The following FLG variants were observed in gnomAD, a reference collection of about 807,000 sequenced individuals.
FLG encodes epidermal filaggrin.
In FLG, 6 loss-of-function variants were observed where a neutral mutation model predicts 3.8. The observed-to-expected ratio is 1.60, with a 90% CI of 0.87 to 3.15. The LOEUF (loss-of-function observed/expected upper bound fraction) is 3.15. FLG is among the 30% of genes most tolerant of loss of function. The pLI is 0.00. For missense variants in FLG, 7,595 were observed against 5,050.9 expected (o/e 1.50, Z -15.27); for synonymous variants, 2,551 against 1,931.6 (o/e 1.32, Z -8.41).
rs371007229 is a variant in FLG, at chr1:152,310,248, A to C, written c.4638T>G (p.Asn1546Lys). The C allele has an allele frequency of 6.2e-7, 1 of 1,612,464 alleles. No individual in the cohort carries two copies. The highest frequency in any genetic ancestry group is 8.5e-7 in the Non-Finnish European group (1 of 1,179,726). Residue 1546 changes from asparagine to lysine, a missense_variant, in exon 3 of 3, where the codon AAT becomes AAG. Physicochemically the swap from Asn to Lys is moderately conservative, Grantham distance 94 (BLOSUM62 0). Coordinates refer to ENST00000368799, the MANE Select transcript of FLG (RefSeq NM_002016.2). ...GPRSASRQTR[N>K]EEQSGDGSRH... ...TGGAGCCGTCTCCTGATTGTTCCTC[A>C]TTTCTTGTTTGCCTGCTTGCACTTC...
In FLG at chr1:152,312,219, G is replaced by A; in HGVS notation, c.2667C>T (p.Ser889=). 13 of 1,613,818 alleles carry A rather than the reference G, an allele frequency of 8.1e-6. No individual in the cohort carries two copies. Among genetic ancestry groups the A allele is most frequent in the Non-Finnish European group, 1.1e-5 (13 of 1,179,958 alleles). The change falls in exon 3 of 3, where the codon TCC becomes TCT. Residue 889 remains serine, a synonymous_variant. Coordinates refer to ENST00000368799, the MANE Select transcript of FLG (RefSeq NM_002016.2). Reference sequence around the variant, plus strand: ...TACGTGTTGTTCTGCTTGCACTTCTGGATCCTGACTGCCCACGGGAGGCAT... The same window carrying A: ...TACGTGTTGTTCTGCTTGCACTTCTAGATCCTGACTGCCCACGGGAGGCAT... The part of the protein sequence containing the change: ...RSDASRGQSG[S]RSASRTTRNE...
chr1:152,310,392 T>C lies in FLG; in HGVS notation c.4494A>G (p.Gly1498=). Residue 1498 remains glycine (G), a synonymous_variant, in exon 3 of 3, where the codon GGA becomes GGG. Transcript: ENST00000368799. ...GCTCGTGGTAGGATCCCTGCCTTCCTCCTCTGCTTGACCCCGGGTGTCCAC... is the reference window on the plus strand; with the variant it reads ...GCTCGTGGTAGGATCCCTGCCTTCCCCCTCTGCTTGACCCCGGGTGTCCAC... ...TIRGHPGSSR[G]GRQGSYHEQS... 1 of 1,613,686 alleles carries C rather than the reference T, an allele frequency of 6.2e-7. No homozygotes were observed. Among genetic ancestry groups the C allele is most frequent in the East Asian group, 2.2e-5 (1 of 44,820 alleles).
In FLG at chr1:152,307,841, C is replaced by T. The variant is rs1269991205; in HGVS notation, c.7045G>A (p.Gly2349Arg). 21 of 1,613,074 alleles carry T rather than the reference C, an allele frequency of 1.3e-5. No homozygotes were observed. The highest frequency in any genetic ancestry group is 3.3e-5 in the South Asian group (3 of 91,022). The part of the protein sequence containing the change: ...DSSRHSGIGH[G>R]QASSAVRDSG... Reference sequence around the variant, plus strand: ...TCTCTGACTGCAGATGAAGCTTGTCCGTGCCCAATGCCTGAGTGTCTGGAG... The same window carrying T: ...TCTCTGACTGCAGATGAAGCTTGTCTGTGCCCAATGCCTGAGTGTCTGGAG... The change falls in exon 3 of 3, where the codon GGA becomes AGA. Residue 2349 changes from glycine to arginine, a missense_variant. Transcript: ENST00000368799.
chr1:152,307,544 C>T lies in FLG; in HGVS notation c.7342G>A (p.Asp2448Asn). The change falls in exon 3 of 3, where the codon GAC becomes AAC. Residue 2448 changes from aspartate (D) to asparagine (N), a missense_variant. Asp to Asn is a conservative substitution (Grantham distance 23, BLOSUM62 1). Coordinates refer to ENST00000368799, the MANE Select transcript of FLG (RefSeq NM_002016.2). ...RQGSHHKQAR[D>N]SSRHSTSQEG... ...TGGGACGTTGAGTGCCTGGAGCTGT[C>T]TCGTGCCTGCTTGTGGTGGGATCCT... The T allele has an allele frequency of 9.3e-6, 15 of 1,613,830 alleles. No homozygotes were observed. Among genetic ancestry groups the T allele is most frequent in the Non-Finnish European group, 1.3e-5 (15 of 1,179,970 alleles).
At position 152,303,028 on chromosome 1, in the gene FLG, G is replaced by C; in HGVS notation, c.11858C>G (p.Ser3953Cys). 1 of 1,614,148 alleles carries C rather than the reference G, an allele frequency of 6.2e-7. No homozygotes were observed. Among genetic ancestry groups the C allele is most frequent in the Non-Finnish European group, 8.5e-7 (1 of 1,180,022 alleles). ...GIQSRGSPHS[S>C]SSYHYQSEGT... ...CTCAGATTGATAATGATAAGAACTA[G>C]AACTGTGAGGACTGCCACGTGACTG... Residue 3953 changes from serine (S) to cysteine (C), a missense_variant, in exon 3 of 3, where the codon TCT becomes TGT. Coordinates refer to ENST00000368799, the MANE Select transcript of FLG (RefSeq NM_002016.2).
chr1:152,312,928 G>A lies in FLG; in HGVS notation c.1958C>T (p.Ser653Leu), dbSNP rs780440025. ...RNHHGSAQEQ[S>L]RDGSRHPRSH... ...CCTGGGGTGTCTGGAGCCATCTCTT[G>A]ACTGCTCCTGAGCAGATCCATGATG... Residue 653 changes from serine to leucine, a missense_variant, in exon 3 of 3, where the codon TCA becomes TTA. Transcript: ENST00000368799. The A allele has an allele frequency of 2.1e-5, 34 of 1,613,916 alleles. No individual in the cohort carries two copies. In the Middle Eastern group the frequency reaches 8.2e-4, roughly 39 times the overall value.
At position 152,307,457 on chromosome 1, in the gene FLG, G is replaced by A. The variant is rs77498426; in HGVS notation, c.7429C>T (p.His2477Tyr). ...GSSSGGRQGS[H>Y]YEQLVDRSGH... ...GATCTATCTACCAATTGCTCGTAGT[G>A]GGATCCCTGCCTTCCTCCACTGCTT... Residue 2477 changes from histidine to tyrosine, a missense_variant, in exon 3 of 3, where the codon CAC (histidine) becomes TAC (tyrosine). Coordinates refer to ENST00000368799, the MANE Select transcript of FLG (RefSeq NM_002016.2). The A allele has an allele frequency of 8.9e-5, 144 of 1,613,200 alleles. No individual in the cohort carries two copies. In the African/African-American group the frequency reaches 1.6e-3, roughly 18 times the overall value.
In FLG at chr1:152,304,096, T is replaced by C; in HGVS notation, c.10790A>G (p.Gln3597Arg). The C allele has an allele frequency of 2.5e-6, 4 of 1,608,706 alleles. No homozygotes were observed. The highest frequency in any genetic ancestry group is 3.4e-6 in the Non-Finnish European group (4 of 1,179,254). ...GHGHSAESSR[Q>R]SGTHHAENSS... is the part of the protein sequence containing the mutation. ...ATTCTCTGCATGATGAGTGCCTGAT[T>C]GTCTGGAGCTCTCTGCAGAGTGCCC... is the stretch of plus-strand genomic sequence containing the variant. The change falls in exon 3 of 3, where the codon CAA becomes CGA. Residue 3597 changes from glutamine (Q) to arginine (R), a missense_variant. Gln to Arg is a conservative substitution (Grantham distance 43, BLOSUM62 1). Transcript: ENST00000368799.
At position 152,309,531 on chromosome 1, in the gene FLG, G is replaced by T. The variant is rs72477394; in HGVS notation, c.5355C>A (p.Ser1785Arg). The change falls in exon 3 of 3, where the codon AGC (serine) becomes AGA (arginine). Residue 1785 changes from serine to arginine, a missense_variant. Ser to Arg is a moderately radical substitution (Grantham distance 110). Transcript: ENST00000368799. ...GGCGGGATCTTTGTCTTCCTCCAGT[G>T]CTGGGCCCTGTGCGTCCATGGGCGG... ...SESAHGRTGP[S>R]TGGRQRSRHE... The T allele has an allele frequency of 3.7e-6, 6 of 1,613,788 alleles. No individual in the cohort carries two copies. The highest frequency in any genetic ancestry group is 3.3e-5 in the South Asian group (3 of 91,050).
chr1:152,307,553 G>A lies in FLG; in HGVS notation c.7333C>T (p.Gln2445Ter). ...TGGRQGSHHKQARDSSRHSTS... is the reference protein window; with the variant it reads ...TGGRQGSHHK The stretch of plus-strand genomic sequence containing the variant: ...GAGTGCCTGGAGCTGTCTCGTGCCT[G>A]CTTGTGGTGGGATCCTTGTCTTCCT... The change falls in exon 3 of 3, where the codon CAG becomes TAG. Residue 2445 changes from glutamine to a stop codon, truncating the protein, a stop_gained. Coordinates refer to ENST00000368799, the MANE Select transcript of FLG (RefSeq NM_002016.2). LOFTEE classifies it low-confidence loss of function (END_TRUNC). 6.2e-7 allele frequency: 1 copy of A among 1,613,842 alleles called. No individual in the cohort carries two copies. Among genetic ancestry groups the A allele is most frequent in the Non-Finnish European group, 8.5e-7 (1 of 1,179,948 alleles).
intron 2 of FLG, chr1:152,315,071 A>C (rs1169917046): frequency 2.5e-6 from 1 of 402,820 alleles, no homozygotes; most frequent in African/African-American, 2.0e-5. Context: ...TATTATAAAT[A>C]CCAAAATACT....
In FLG at chr1:152,304,503, C is replaced by A. The variant is rs145466389; in HGVS notation, c.10383G>T (p.Gly3461=). ...EQSVDRSGHS[G]SHHSHTTSQG... ...GGGATGTGGTGTGGCTGTGATGGGACCCTGAGTGTCCAGACCTATCTACCG... is the reference window on the plus strand; with the variant it reads ...GGGATGTGGTGTGGCTGTGATGGGAACCTGAGTGTCCAGACCTATCTACCG... The change falls in exon 3 of 3, where the codon GGG becomes GGT. Residue 3461 remains glycine (G), a synonymous_variant. Transcript: ENST00000368799. 8 of 1,612,816 alleles carry A rather than the reference C, an allele frequency of 5.0e-6. No homozygotes were observed. Among genetic ancestry groups the A allele is most frequent in the East Asian group, 2.2e-5 (1 of 44,650 alleles).
In FLG at chr1:152,314,275, A is replaced by G; in HGVS notation, c.611T>C (p.Leu204Pro). The G allele has an allele frequency of 6.2e-7, 1 of 1,612,390 alleles. No homozygotes were observed. Residue 204 changes from leucine to proline, a missense_variant, in exon 3 of 3, where the codon CTT (leucine) becomes CCT (proline). Leu to Pro is a moderately conservative substitution (Grantham distance 98). Transcript: ENST00000368799. The part of the protein sequence containing the change: ...GDNRKRLSER[L>P]EEKEDNEEGV... ...TTCTTCATTGTCTTCTTTCTCTTCA[A>G]GTCTTTCACTTAGCCTCTTCCTATT... is the stretch of plus-strand genomic sequence containing the variant.
At position 152,309,052 on chromosome 1, in the gene FLG, G is replaced by T. The variant is rs1050534016; in HGVS notation, c.5834C>A (p.Ser1945Tyr). Residue 1945 changes from serine to tyrosine, a missense_variant, in exon 3 of 3, where the codon TCT becomes TAT. Coordinates refer to ENST00000368799, the MANE Select transcript of FLG (RefSeq NM_002016.2). ...GCCATCTCTTGACTGCTCCCAAGCA[G>T]ATCCAAGATGGTTTCTGGAAGCAGA... ...SGSASRNHLG[S>Y]AWEQSRDGSR... 1.1e-5 allele frequency: 17 copies of T among 1,614,038 alleles called. No homozygotes were observed. Among genetic ancestry groups the T allele is most frequent in the Admixed American group, 1.0e-4 (6 of 59,998 alleles).
At position 152,308,074 on chromosome 1, in the gene FLG, G is replaced by T. The variant is rs761416573; in HGVS notation, c.6812C>A (p.Ala2271Asp). 42 of 1,613,882 alleles carry T rather than the reference G, an allele frequency of 2.6e-5. No individual in the cohort carries two copies. The highest frequency in any genetic ancestry group is 2.0e-4 in the Admixed American group (12 of 59,986). ...GSASRNHHGS[A>D]QEQSRDGSRH... Reference sequence around the variant, plus strand: ...GGAGCCATCTCTTGACTGCTCCTGAGCAGATCCATGATGGTTTCTGGACGC... The same window carrying T: ...GGAGCCATCTCTTGACTGCTCCTGATCAGATCCATGATGGTTTCTGGACGC... The change falls in exon 3 of 3, where the codon GCT becomes GAT. Residue 2271 changes from alanine to aspartate, a missense_variant. By Grantham distance (126) the Ala-to-Asp change is moderately radical. Transcript: ENST00000368799.
At chr1:152,325,127 T>C (rs1570923701) in intron 1 of FLG, 62 bp downstream of exon 1, 2 of 151,922 alleles carry the variant, frequency 1.3e-5, no homozygotes, top group Admixed American at 1.3e-4. Context: ...ACAGTACACA[T>C]ACATTCAGAT....
At position 152,303,295 on chromosome 1, in the gene FLG, C is replaced by T. The variant is rs1391815752; in HGVS notation, c.11591G>A (p.Ser3864Asn). The T allele has an allele frequency of 1.2e-6, 2 of 1,613,978 alleles. No individual in the cohort carries two copies. The highest frequency in any genetic ancestry group is 1.7e-6 in the Non-Finnish European group (2 of 1,180,026). Residue 3864 changes from serine (S) to asparagine (N), a missense_variant, in exon 3 of 3, where the codon AGC becomes AAC. Coordinates refer to ENST00000368799, the MANE Select transcript of FLG (RefSeq NM_002016.2). ...RRSRRQGSSV[S>N]QDSDSEAYPE... ...GTATGCCTCACTGTCACTGTCCTGGCTAACACTGGATCCCTGGCGCCTGCT... is the reference window on the plus strand; with the variant it reads ...GTATGCCTCACTGTCACTGTCCTGGTTAACACTGGATCCCTGGCGCCTGCT...
Position 152,309,946 on chromosome 1 carries a change from G to A in FLG, c.4940C>T (p.Ala1647Val), listed in dbSNP as rs1401038989. The change falls in exon 3 of 3, where the codon GCA becomes GTA. Residue 1647 changes from alanine to valine, a missense_variant. Coordinates refer to ENST00000368799, the MANE Select transcript of FLG (RefSeq NM_002016.2). ...AGTGCCTGATTGTCTGGAGCTCTCT[G>A]CAGAGTGCCCATGACTGGCTCTATC... ...QEDRASHGHS[A>V]ESSRQSGTRH... 1.2e-6 allele frequency: 2 copies of A among 1,614,104 alleles called. No individual in the cohort carries two copies. The highest frequency in any genetic ancestry group is 1.3e-5 in the African/African-American group (1 of 75,014).
rs779996295 is a variant in FLG at position 152,313,781 on chromosome 1, T to A, written c.1105A>T (p.Thr369Ser). 8.1e-6 allele frequency: 13 copies of A among 1,614,006 alleles called. No individual in the cohort carries two copies. In the South Asian group the frequency reaches 1.4e-4, roughly 18 times the overall value. Residue 369 changes from threonine (T) to serine (S), a missense_variant, in exon 3 of 3, where the codon ACT becomes TCT. By Grantham distance (58) the Thr-to-Ser change is moderately conservative. Transcript: ENST00000368799. ...CTTGCCTGTTCATGGGATGATGCAG[T>A]CTGTCCACGAGAGGAAGTCTCTGCG... Reference protein sequence around the residue: ...RHAETSSRGQTASSHEQARSS... With the variant: ...RHAETSSRGQSASSHEQARSS...
Sources: allele counts gnomAD v4.1 joint callset, GRCh38; gene constraint gnomAD v4.1.1; transcripts MANE v1.5; gene names NCBI Gene and HGNC (gene_info 2026-07-23, HGNC 2026-07-21).